The following AHI1 variants were observed in gnomAD, a reference collection of about 807,000 sequenced individuals.
AHI1 encodes the protein jouberin.
In AHI1, 123 loss-of-function variants were observed where a neutral mutation model predicts 149.3. The observed-to-expected ratio is 0.82, with a 90% CI of 0.71 to 0.96. AHI1 has a LOEUF of 0.96. Ranked by LOEUF, AHI1 falls within the 40% of genes least tolerant of loss-of-function variation. AHI1 has a pLI of 0.00. For missense variants in AHI1, 1,439 were observed against 1,422.7 expected, an observed-to-expected ratio of 1.01 and a Z score of -0.18; for synonymous variants, 475 against 459.8, an observed-to-expected ratio of 1.03 and a Z score of -0.42.
chr6:135,398,058 GTTT>G (rs68148024), intron 22 of AHI1, among the ~76,000 whole-genome samples: 105 of 88,446 alleles, frequency 1.2e-3, no homozygotes, highest in Admixed American at 1.8e-3. Context: ...TACCCAGGAT[GTTT>G]TTTTTTTTTT....
At chr6:135,394,683 A>G (rs1185366076) in intron 23 of AHI1, 93 bp downstream of exon 23, 9 of 1,518,718 alleles carry the variant, frequency 5.9e-6, no homozygotes, top group Non-Finnish European at 8.1e-6. Flanking sequence ...ACCGACCATT[A>G]TGAGCTTTAT....
chr6:135,479,574 GTAAC>G (rs1029856719), intron 5 of AHI1, among the ~76,000 whole-genome samples: 31 of 152,218 alleles, frequency 2.0e-4, no homozygotes, highest in African/African-American at 6.3e-4. Flanking sequence ...TATCTTGGAA[GTAAC>G]TAACTTTTTT....
At chr6:135,456,227 A>G (rs1490761625) in intron 9 of AHI1, among the ~76,000 whole-genome samples, 2 of 152,210 alleles carry the variant, frequency 1.3e-5, no homozygotes, top group African/African-American at 4.8e-5. Flanking sequence ...ACTCCTTCAG[A>G]ATTTTGTAAG....
At chr6:135,437,922 GT>G (rs1785649907) in intron 15 of AHI1, among the ~76,000 whole-genome samples, 1 of 152,172 alleles carries the variant, frequency 6.6e-6, no homozygotes, top group African/African-American at 2.4e-5. Context: ...AAATGTAAAT[GT>G]TTAACCAATC....
chr6:135,362,695 T>C (rs1224592102), intron 23 of AHI1, among the ~76,000 whole-genome samples: 1 of 152,174 alleles, frequency 6.6e-6, no homozygotes, highest in African/African-American at 2.4e-5. Flanking sequence ...TGCATGTCCT[T>C]AGCCCACTTT....
chr6:135,361,710 C>T (rs1314702440), intron 23 of AHI1, among the ~76,000 whole-genome samples: 8 of 150,558 alleles, frequency 5.3e-5, no homozygotes, highest in Non-Finnish European at 1.0e-4. Context: ...TATATTTATA[C>T]TCTAAAGGAA....
intron 23 of AHI1, among the ~76,000 whole-genome samples, chr6:135,374,468 T>C (rs769595342): frequency 1.3e-5 from 2 of 152,050 alleles, no homozygotes; most frequent in Non-Finnish European, 2.9e-5. Flanking sequence ...AAGCCTTTCT[T>C]AAGAACTGGA....
chr6:135,314,891 C>G (rs955931783), intron 26 of AHI1, among the ~76,000 whole-genome samples: 1 of 152,200 alleles, frequency 6.6e-6, no homozygotes, highest in Non-Finnish European at 1.5e-5. Flanking sequence ...GTCATTCTAA[C>G]ACAATGGCTG....
chr6:135,443,282 C>T (rs952801473), intron 13 of AHI1, among the ~76,000 whole-genome samples: 1 of 152,056 alleles, frequency 6.6e-6, no homozygotes, highest in Non-Finnish European at 1.5e-5. Context: ...ATGTTTTCAC[C>T]CTCTTCTACC....
At chr6:135,307,198 C>T (rs1784626158) in intron 26 of AHI1, 1 of 152,142 alleles carries the variant, frequency 6.6e-6, no homozygotes, top group Admixed American at 6.5e-5. Flanking sequence ...TTATTGTATG[C>T]ATGGCTTGTC....
chr6:135,330,541 A>G (rs2128396936), intron 24 of AHI1, among the ~76,000 whole-genome samples: 1 of 152,372 alleles, frequency 6.6e-6, no homozygotes, highest in Middle Eastern at 3.4e-3. Flanking sequence ...ATGTACTGAG[A>G]AACCCCCAAA....
In AHI1 at chr6:135,427,246, A is replaced by G; in HGVS notation, c.2685T>C (p.Tyr895=). ...PFKSPIRDIS[Y]HPFENMVAFC... The stretch of plus-strand genomic sequence containing the variant: ...ATGCAACCATATTTTCAAATGGATG[A>G]TAAGAAATGTCTCGAATGGGTGACT... The change falls in exon 20 of 29, where the codon TAT becomes TAC. Residue 895 remains tyrosine (Y), a synonymous_variant. Transcript: ENST00000265602. 4 of 1,610,722 alleles carry G rather than the reference A, an allele frequency of 2.5e-6. No homozygotes were observed. Among genetic ancestry groups the G allele is most frequent in the Non-Finnish European group, 3.4e-6 (4 of 1,177,790 alleles).
At chr6:135,459,900 G>C (rs1789601554) in intron 8 of AHI1, among the ~76,000 whole-genome samples, 1 of 152,148 alleles carries the variant, frequency 6.6e-6, no homozygotes, top group African/African-American at 2.4e-5. Flanking sequence ...AACAATGTAA[G>C]AATAAACTCT....
chr6:135,324,118 G>C (rs1189989660), intron 24 of AHI1, among the ~76,000 whole-genome samples: 1 of 152,138 alleles, frequency 6.6e-6, no homozygotes, highest in Admixed American at 6.5e-5. Flanking sequence ...CCAAGAGTTA[G>C]AGATCAACCT....
chr6:135,302,707 C>T (rs1443265403), intron 26 of AHI1: 1 of 1,251,078 alleles, frequency 8.0e-7, no homozygotes, highest in East Asian at 5.8e-5. Context: ...AACACCTTTA[C>T]TCACTCATTC....
At chr6:135,327,723 T>G (rs1460034529) in intron 24 of AHI1, among the ~76,000 whole-genome samples, 1 of 151,972 alleles carries the variant, frequency 6.6e-6, no homozygotes, top group Non-Finnish European at 1.5e-5. Flanking sequence ...TTATGAGCAA[T>G]CAGAGGGTCC....
At chr6:135,473,456 G>A (rs560983042) in intron 5 of AHI1, among the ~76,000 whole-genome samples, 1 of 152,030 alleles carries the variant, frequency 6.6e-6, no homozygotes, top group African/African-American at 2.4e-5. Flanking sequence ...TAAATTTCTG[G>A]TTTTTTGACT....
intron 23 of AHI1, among the ~76,000 whole-genome samples, chr6:135,373,537 A>G (rs1775382590): frequency 6.6e-6 from 1 of 152,230 alleles, no homozygotes; most frequent in Non-Finnish European, 1.5e-5. Flanking sequence ...AGAAGATAAT[A>G]AAAGAAATTT....
chr6:135,303,635 A>T (rs904190869), intron 26 of AHI1, among the ~76,000 whole-genome samples: 1 of 152,052 alleles, frequency 6.6e-6, no homozygotes, highest in African/African-American at 2.4e-5. Flanking sequence ...TATTTTACAG[A>T]CCAGGAATTG....
Sources: gnomAD v4.1 joint callset for allele counts (sites outside exome capture counted in the v4.1 genomes callset) on GRCh38, gnomAD v4.1.1 for gene constraint, MANE v1.5 for transcripts, NCBI Gene and HGNC (gene_info 2026-07-23, HGNC 2026-07-21) for gene names.